NLRP5: variants seen among roughly 807,000 people sequenced by gnomAD.
NLRP5 encodes the protein NACHT, LRR and PYD domains-containing protein 5.
Under a neutral mutation model 113.1 loss-of-function variants are expected in NLRP5, and 93 were observed. The observed-to-expected ratio is 0.82, with a 90% CI of 0.70 to 0.98. The LOEUF is 0.98. Among genes scored for constraint, NLRP5 ranks in the 50% least tolerant of loss-of-function variants. NLRP5 has a pLI of 0.00. For missense variants in NLRP5, 1,808 were observed against 1,514.3 expected (o/e 1.19, Z -3.22); for synonymous variants, 751 against 600.7 (o/e 1.25, Z -3.66).
the NLRP5 span, among the ~76,000 whole-genome samples, chr19:55,990,704 A>T: frequency 6.6e-6 from 1 of 152,076 alleles, no homozygotes; most frequent in African/African-American, 2.4e-5. Context: ...GGGCGCCTGT[A>T]GTCCCAGCTA....
chr19:56,007,916 T>TGTGTGTGTGTGCGCGCGCGCGCGCGC (rs1982003498), intron 2 of NLRP5, among the ~76,000 whole-genome samples: 2 of 35,876 alleles, frequency 5.6e-5, no homozygotes, highest in African/African-American at 1.2e-4. Context: ...TGTGTGTGTG[T>TGTGTGTGTGTGCGCGCGCGCGCGCGC]GTGTGTGTGT....
intron 6 of NLRP5, among the ~76,000 whole-genome samples, chr19:56,022,283 A>G (rs898527498): frequency 6.6e-6 from 1 of 152,190 alleles, no homozygotes; most frequent in East Asian, 1.9e-4. Flanking sequence ...ACAGTGGCAC[A>G]ATCACAGCTC....
chr19:56,028,255 G>A lies in NLRP5; in HGVS notation c.2022G>A (p.Gln674=), dbSNP rs762235323. 5.0e-6 allele frequency: 8 copies of A among 1,613,878 alleles called. No individual in the cohort carries two copies. In the South Asian group the frequency reaches 8.8e-5, roughly 18 times the overall value. The change falls in exon 7 of 15, where the codon CAG becomes CAA. Residue 674 remains glutamine (Q), a synonymous_variant. Transcript: ENST00000390649. ...TGCACTGGGTCTCTCTGTTGGGTCA[G>A]CAGCCTAATGCCACCACCCCAGGAG...
At chr19:56,001,195 C>T (rs1478629866) in intron 1 of NLRP5, among the ~76,000 whole-genome samples, 2 of 147,516 alleles carry the variant, frequency 1.4e-5, no homozygotes, top group East Asian at 4.0e-4. Flanking sequence ...TGCAGTGATG[C>T]AAGCCTGTGG....
chr19:55,998,162 T>C (rs1206544735), upstream of NLRP5, among the ~76,000 whole-genome samples: 1 of 152,136 alleles, frequency 6.6e-6, no homozygotes, highest in Non-Finnish European at 1.5e-5. Flanking sequence ...AGATTTATCT[T>C]ATCTCAGTCC....
chr19:56,042,733 T>C (rs907911598), intron 11 of NLRP5, among the ~76,000 whole-genome samples: 9 of 152,320 alleles, frequency 5.9e-5, no homozygotes, highest in African/African-American at 1.4e-4. Flanking sequence ...GTTTGAAGTC[T>C]TTTATCCCTC....
chr19:56,049,800 T>C (rs948970356), intron 11 of NLRP5, among the ~76,000 whole-genome samples: 1 of 152,196 alleles, frequency 6.6e-6, no homozygotes, highest in African/African-American at 2.4e-5. Flanking sequence ...CTCTAATCCC[T>C]CTCTGATTAG....
chr19:56,038,181 C>T lies in NLRP5; in HGVS notation c.2772C>T (p.Ala924=), dbSNP rs1983389692. The T allele has an allele frequency of 6.2e-7, 1 of 1,613,710 alleles. No homozygotes were observed. The highest frequency in any genetic ancestry group is 1.7e-5 in the Admixed American group (1 of 59,978). ...ATGCCTTGAGAGTCTCCCAGTGCGC[C>T]CTGCAGAAGCTGATGTGAGTGCCAC... Residue 924 remains alanine (A), a synonymous_variant, in exon 10 of 15, where the codon GCC becomes GCT. Transcript: ENST00000390649.
upstream of NLRP5, among the ~76,000 whole-genome samples, chr19:55,998,838 G>A (rs1273573999): frequency 1.3e-5 from 2 of 150,394 alleles, no homozygotes; most frequent in Admixed American, 6.7e-5. Flanking sequence ...TATTTGCGAG[G>A]TACAATGCGA....
chr19:56,043,542 C>CTTTTTTTTCTTTTTTT (rs1983599524), intron 11 of NLRP5, among the ~76,000 whole-genome samples: 1 of 92,920 alleles, frequency 1.1e-5, no homozygotes, highest in Non-Finnish European at 2.0e-5. Flanking sequence ...CTCTGCTATT[C>CTTTTTTTTCTTTTTTT]TTTTTTTTTT....
chr19:55,997,291 C>T (rs891529744), upstream of NLRP5, among the ~76,000 whole-genome samples: 16 of 152,030 alleles, frequency 1.1e-4, no homozygotes, highest in Admixed American at 9.2e-4. Flanking sequence ...CCCTTGCAAC[C>T]CTGAGATGAA....
At chr19:56,037,484 G>C (rs1983360533) in intron 9 of NLRP5, among the ~76,000 whole-genome samples, 1 of 152,090 alleles carries the variant, frequency 6.6e-6, no homozygotes, top group African/African-American at 2.4e-5. Context: ...CACAAGGTCA[G>C]GAGTTTGAGA....
At chr19:56,038,393 T>A (rs1466281471) in intron 10 of NLRP5, among the ~76,000 whole-genome samples, 198 bp downstream of exon 10, 1 of 152,082 alleles carries the variant, frequency 6.6e-6, no homozygotes, top group Non-Finnish European at 1.5e-5. Context: ...GCTCCCAAAC[T>A]CTAAATGGAG....
chr19:55,988,442 G>GTATATATATATATATATA, the NLRP5 span: 740 of 103,474 alleles, frequency 7.2e-3, 10 homozygotes, highest in Middle Eastern at 0.01. Flanking sequence ...ATATGTGTGT[G>GTATATATATATATATATA]TGTATATATA....
At chr19:56,010,789 GT>G (rs74179658) in intron 3 of NLRP5, among the ~76,000 whole-genome samples, 47,107 of 123,654 alleles carry the variant, frequency 0.38, 8,612 homozygotes, top group Admixed American at 0.42. Flanking sequence ...AATAAATGCA[GT>G]TTTTTTTTTA....
At chr19:56,005,106 A>T (rs1351516329) in intron 2 of NLRP5, among the ~76,000 whole-genome samples, 1 of 120,968 alleles carries the variant, frequency 8.3e-6, no homozygotes, top group Admixed American at 9.5e-5. Flanking sequence ...AAAAAAAAAA[A>T]AATATATATA....
At chr19:55,990,242 C>T in the NLRP5 span, among the ~76,000 whole-genome samples, 6 of 151,704 alleles carry the variant, frequency 4.0e-5, no homozygotes, top group African/African-American at 9.7e-5. Context: ...GCACACGCCA[C>T]GATGCCCGGC....
chr19:56,007,426 C>CTAGAAG (rs1376670943), intron 2 of NLRP5, among the ~76,000 whole-genome samples: 7 of 149,532 alleles, frequency 4.7e-5, no homozygotes, highest in Admixed American at 2.7e-4. Context: ...GAATCACTTC[C>CTAGAAG]TAGAAGGAGT....
At chr19:56,031,228 C>G (rs1430220110) in intron 7 of NLRP5, among the ~76,000 whole-genome samples, 1 of 152,138 alleles carries the variant, frequency 6.6e-6, no homozygotes, top group African/African-American at 2.4e-5. Context: ...TTTTTCATCT[C>G]ACATCACTGA....
Sources: gnomAD v4.1 joint callset for allele counts (sites outside exome capture counted in the v4.1 genomes callset) on GRCh38, gnomAD v4.1.1 for gene constraint, MANE v1.5 for transcripts, NCBI Gene and HGNC (gene_info 2026-07-23, HGNC 2026-07-21) for gene names.